CAMTA1: variants seen among roughly 807,000 people sequenced by gnomAD.
CAMTA1 encodes calmodulin-binding transcription activator 1.
Under a neutral mutation model 170.9 loss-of-function variants are expected in CAMTA1, and 27 were observed. The observed-to-expected ratio is 0.16, with a 90% confidence interval of 0.12 to 0.22. The LOEUF (loss-of-function observed/expected upper bound fraction) is 0.22, where lower values mean the gene tolerates loss of function less well. Ranked by LOEUF, CAMTA1 falls within the 10% of genes least tolerant of loss-of-function variation. CAMTA1 has a pLI of 1.00. For missense variants in CAMTA1, 1,619 were observed against 2,217.2 expected, an observed-to-expected ratio of 0.73 and a Z score of 5.42; for synonymous variants, 833 against 891.5, an observed-to-expected ratio of 0.93 and a Z score of 1.17.
At chr1:7,187,579 G>A (rs1392560685) in intron 4 of CAMTA1, among the ~76,000 whole-genome samples, 2 of 151,972 alleles carry the variant, frequency 1.3e-5, no homozygotes. Flanking sequence ...GGTAATTTCT[G>A]GTTTTAAAAG....
chr1:6,948,285 G>C (rs1270567324), intron 3 of CAMTA1, among the ~76,000 whole-genome samples: 3 of 152,168 alleles, frequency 2.0e-5, no homozygotes, highest in Admixed American at 6.5e-5. Flanking sequence ...TAGGCATTTG[G>C]GGGAGGTACC....
At chr1:7,265,567 G>C (rs568256802) in intron 5 of CAMTA1, among the ~76,000 whole-genome samples, 3 of 152,268 alleles carry the variant, frequency 2.0e-5, no homozygotes, top group Admixed American at 6.5e-5. Context: ...GCCCACCTTG[G>C]CCTCCTAAAG....
chr1:7,751,261 C>T lies in CAMTA1; in HGVS notation c.4752C>T (p.Tyr1584=), dbSNP rs374831258. Residue 1584 remains tyrosine (Y), a synonymous_variant, in exon 20 of 23, where the codon TAC becomes TAT. Transcript: ENST00000303635. ...AILIQSKFRS[Y]YEQKKFQQSR... The stretch of plus-strand genomic sequence containing the variant: ...TTATCCAGAGCAAATTCCGAAGTTA[C>T]TATGAACAAAAAAAATTCCAGCAGA... 5 of 1,612,018 alleles carry T rather than the reference C, an allele frequency of 3.1e-6. No homozygotes were observed. Among genetic ancestry groups the T allele is most frequent in the East Asian group, 2.2e-5 (1 of 44,836 alleles).
At chr1:7,527,099 C>A (rs1403594524) in intron 6 of CAMTA1, among the ~76,000 whole-genome samples, 1 of 152,188 alleles carries the variant, frequency 6.6e-6, no homozygotes, top group Non-Finnish European at 1.5e-5. Context: ...GGTACCCAGG[C>A]CTGCCTGACT....
chr1:6,878,149 A>G (rs140774038), intron 3 of CAMTA1, among the ~76,000 whole-genome samples: 1 of 152,368 alleles, frequency 6.6e-6, no homozygotes, highest in Non-Finnish European at 1.5e-5. Context: ...TCTTGCAAAC[A>G]TGCAAAGCTG....
intron 6 of CAMTA1, among the ~76,000 whole-genome samples, chr1:7,573,618 G>A (rs2095151934): frequency 6.6e-6 from 1 of 152,228 alleles, no homozygotes; most frequent in Non-Finnish European, 1.5e-5. Flanking sequence ...CTCCTGGCAA[G>A]CATTGGTACC....
chr1:7,219,587 T>C (rs1573979416), intron 4 of CAMTA1: 2 of 143,150 alleles, frequency 1.4e-5, no homozygotes, highest in East Asian at 4.3e-4. Context: ...ACACACCATC[T>C]TCCATGGACT....
intron 3 of CAMTA1, chr1:6,874,567 T>G (rs977603956): frequency 1.3e-5 from 2 of 152,324 alleles, no homozygotes; most frequent in East Asian, 3.9e-4. Context: ...CCCAGTAGTC[T>G]TCTAACACTG....
At chr1:7,256,498 T>A (rs1667389055) in intron 5 of CAMTA1, among the ~76,000 whole-genome samples, 1 of 152,188 alleles carries the variant, frequency 6.6e-6, no homozygotes, top group Admixed American at 6.5e-5. Context: ...AGGCGCAGCT[T>A]GCAGTGAGCT....
chr1:7,511,838 C>G (rs187915503), intron 6 of CAMTA1, among the ~76,000 whole-genome samples: 12 of 152,316 alleles, frequency 7.9e-5, no homozygotes, highest in Admixed American at 5.9e-4. Flanking sequence ...CCCCAAACTC[C>G]ACTTTGTAGA....
chr1:7,135,720 C>T lies in CAMTA1; in HGVS notation c.302+44349C>T, dbSNP rs376343689. On this transcript the variant is annotated intron_variant, in intron 4 of 22. Coordinates refer to ENST00000303635, the MANE Select transcript of CAMTA1 (RefSeq NM_015215.4). The stretch of plus-strand genomic sequence containing the variant: ...TATTACAGATTGCCTGATTTGCTCT[C>T]CCTCATTCCTTGAAGATTTTAGCAC... Among the ~76,000 whole-genome samples the T allele has an allele frequency of 3.2e-4, 49 of 152,294 alleles. No individual in the cohort carries two copies. In the South Asian group the frequency reaches 6.2e-3, roughly 19 times the overall value.
chr1:7,659,239 G>T (rs2095932806), intron 7 of CAMTA1, among the ~76,000 whole-genome samples: 2 of 152,154 alleles, frequency 1.3e-5, no homozygotes, highest in Admixed American at 1.3e-4. Flanking sequence ...GATTTCCTTT[G>T]AAAAACTATC....
chr1:7,676,085 G>A (rs1456679271), intron 10 of CAMTA1, among the ~76,000 whole-genome samples: 3 of 152,252 alleles, frequency 2.0e-5, no homozygotes, highest in African/African-American at 2.4e-5. Flanking sequence ...GCTAAGAGGA[G>A]CAGCCCTGAG....
intron 3 of CAMTA1, among the ~76,000 whole-genome samples, chr1:7,088,982 C>T (rs563011882): frequency 7.6e-4 from 116 of 152,286 alleles, no homozygotes; most frequent in African/African-American, 2.7e-3. Context: ...TGTCTGCAGG[C>T]GTGGGCACGT....
At chr1:7,346,180 G>A (rs990958079) in intron 5 of CAMTA1, among the ~76,000 whole-genome samples, 2 of 152,124 alleles carry the variant, frequency 1.3e-5, no homozygotes, top group African/African-American at 2.4e-5. Context: ...ATATCTTCCT[G>A]GAAGCTATGA....
At chr1:7,186,141 A>C (rs760731847) in intron 4 of CAMTA1, among the ~76,000 whole-genome samples, 1 of 152,190 alleles carries the variant, frequency 6.6e-6, no homozygotes, top group Non-Finnish European at 1.5e-5. Flanking sequence ...ATTTGTGTGC[A>C]TGTCTGTAGG....
intron 3 of CAMTA1, among the ~76,000 whole-genome samples, chr1:6,833,715 T>G (rs1651550764): frequency 6.6e-6 from 1 of 152,222 alleles, no homozygotes; most frequent in East Asian, 1.9e-4. Flanking sequence ...AAGAAAAATT[T>G]AAATGACACT....
chr1:7,059,699 A>T (rs1452374482), intron 3 of CAMTA1, among the ~76,000 whole-genome samples: 1 of 152,212 alleles, frequency 6.6e-6, no homozygotes, highest in Non-Finnish European at 1.5e-5. Context: ...CCTTGTTCGA[A>T]GGATGACCTC....
chr1:7,544,368 G>T lies in CAMTA1; in HGVS notation c.510+76467G>T, dbSNP rs142027433. On this transcript the variant is annotated intron_variant, in intron 6 of 22. Coordinates refer to ENST00000303635, the MANE Select transcript of CAMTA1 (RefSeq NM_015215.4). ...CCCACAACATGTGGGAATTATGAGA[G>T]TACAATTCAAGATGAGATTTGGGTG... Among the ~76,000 whole-genome samples the T allele has an allele frequency of 7.1e-3, 1,084 of 152,298 alleles. 17 individuals carry two copies. Among genetic ancestry groups the T allele is most frequent in the African/African-American group, 0.024 (1,014 of 41,564 alleles).
Sources: allele counts gnomAD v4.1 joint callset (sites outside exome capture counted in the v4.1 genomes callset), GRCh38; gene constraint gnomAD v4.1.1; transcripts MANE v1.5; gene names NCBI Gene and HGNC (gene_info 2026-07-23, HGNC 2026-07-21).